STK32B: variants seen among roughly 807,000 people sequenced by gnomAD.
STK32B encodes the protein serine/threonine kinase 32B.
STK32B carries 43 observed loss-of-function variants against 52.6 expected under a neutral mutation model. The observed-to-expected ratio is 0.82, with a 90% CI of 0.64 to 1.05. STK32B has a LOEUF of 1.05. STK32B is among the 50% of genes least tolerant of loss of function. The probability of loss-of-function intolerance (pLI) is 0.00; values close to 1 mark genes in which losing one functional copy is unlikely to be tolerated. For synonymous variants in STK32B, 238 were observed against 204.3 expected (o/e 1.17, Z -1.41); for missense variants, 621 against 534.6 (o/e 1.16, Z -1.59).
At chr4:5,209,763 G>A (rs1211665358) in intron 3 of STK32B, among the ~76,000 whole-genome samples, 2 of 152,092 alleles carry the variant, frequency 1.3e-5, no homozygotes, top group Non-Finnish European at 2.9e-5. Flanking sequence ...AAGTGCCTGG[G>A]CCTAGGAAGC....
intron 4 of STK32B, among the ~76,000 whole-genome samples, chr4:5,370,036 G>A (rs141119508): frequency 0.013 from 1,986 of 151,976 alleles, 10 homozygotes; most frequent in Non-Finnish European, 0.018. Context: ...CATCACGCCC[G>A]GCTAATTTTT....
At chr4:5,463,890 T>C (rs746195611) in intron 9 of STK32B, among the ~76,000 whole-genome samples, 1 of 152,224 alleles carries the variant, frequency 6.6e-6, no homozygotes, top group Non-Finnish European at 1.5e-5. Flanking sequence ...GCAGAAGCCT[T>C]CTGTATTAGG....
chr4:5,135,268 C>T lies in STK32B; in HGVS notation c.53-4637C>T, dbSNP rs1386578612. On this transcript the variant is annotated intron_variant, in intron 1 of 11. Coordinates refer to ENST00000282908, the MANE Select transcript of STK32B (RefSeq NM_018401.3). ...TATGAGGTAGGTGTTGTATTTTACC[C>T]ATTATATAGGTGTGGAGGCTGATGC... Among the ~76,000 whole-genome samples, 3 of 152,164 alleles carry T rather than the reference C, an allele frequency of 2.0e-5. No individual in the cohort carries two copies. In the East Asian group the frequency reaches 5.8e-4, roughly 29 times the overall value.
chr4:5,376,867 G>A (rs1485257224), intron 4 of STK32B, among the ~76,000 whole-genome samples: 2 of 152,012 alleles, frequency 1.3e-5, no homozygotes, highest in Non-Finnish European at 2.9e-5. Flanking sequence ...TCTGCCCTCG[G>A]CCTGCCCCAG....
chr4:5,159,177 C>G (rs1022364989), intron 2 of STK32B, among the ~76,000 whole-genome samples: 1 of 152,178 alleles, frequency 6.6e-6, no homozygotes, highest in African/African-American at 2.4e-5. Flanking sequence ...CACCGTAGAG[C>G]TGTGCTTACC....
intron 6 of STK32B, among the ~76,000 whole-genome samples, chr4:5,418,670 A>G (rs1712364091): frequency 6.6e-6 from 1 of 152,224 alleles, no homozygotes; most frequent in African/African-American, 2.4e-5. Context: ...GGAGTCCACC[A>G]TCTTGGCTGA....
chr4:5,206,030 A>T (rs747681706), intron 3 of STK32B, among the ~76,000 whole-genome samples: 1 of 152,210 alleles, frequency 6.6e-6, no homozygotes, highest in Non-Finnish European at 1.5e-5. Flanking sequence ...AAGACTTTCC[A>T]GCTGGAAGTT....
At chr4:5,344,942 G>C (rs1471431329) in intron 4 of STK32B, among the ~76,000 whole-genome samples, 1 of 151,964 alleles carries the variant, frequency 6.6e-6, no homozygotes, top group Non-Finnish European at 1.5e-5. Context: ...GTGGGAGGCT[G>C]AGATGGGAGG....
intron 4 of STK32B, among the ~76,000 whole-genome samples, chr4:5,365,497 CTG>C (rs1339261588): frequency 6.6e-6 from 1 of 152,208 alleles, no homozygotes; most frequent in Non-Finnish European, 1.5e-5. Flanking sequence ...TTGTAGAAGT[CTG>C]TCAATGTTCT....
At chr4:5,191,687 C>A (rs1248476527) in intron 3 of STK32B, among the ~76,000 whole-genome samples, 1 of 152,176 alleles carries the variant, frequency 6.6e-6, no homozygotes, top group Non-Finnish European at 1.5e-5. Context: ...AAGTTGACCA[C>A]CCGCAGCCTG....
At chr4:5,174,389 C>T (rs1225018158) in intron 3 of STK32B, among the ~76,000 whole-genome samples, 2 of 152,146 alleles carry the variant, frequency 1.3e-5, no homozygotes, top group African/African-American at 4.8e-5. Flanking sequence ...GCAGTTTCTT[C>T]CTAGCCTCGA....
chr4:5,199,521 T>A (rs115632293), intron 3 of STK32B, among the ~76,000 whole-genome samples: 178 of 151,886 alleles, frequency 1.2e-3, no homozygotes, highest in Admixed American at 2.7e-3. Context: ...TCTGAATCAC[T>A]GCATGTTCCA....
chr4:5,189,309 T>A (rs1720998661), intron 3 of STK32B, among the ~76,000 whole-genome samples: 1 of 152,194 alleles, frequency 6.6e-6, no homozygotes, highest in Non-Finnish European at 1.5e-5. Flanking sequence ...GATCCACTGA[T>A]TCATCCCTCG....
Position 5,380,466 on chromosome 4 carries a change from G to A in STK32B, c.435-17741G>A, listed in dbSNP as rs1385230487. Among the ~76,000 whole-genome samples, 1 of 152,124 alleles carries A rather than the reference G, an allele frequency of 6.6e-6. No homozygotes were observed. The highest frequency in any genetic ancestry group is 2.4e-5 in the African/African-American group (1 of 41,438). On this transcript the variant is annotated intron_variant, in intron 4 of 11. Transcript: ENST00000282908. This position sits in a 1 kb window ranked among gnomAD's most constrained non-coding sequence, Gnocchi z 4.3. ...GTCTAATTTTGTGAACAGATATTTT[G>A]TTCACAGGACAAGAATCCTGTCCAA...
intron 4 of STK32B, among the ~76,000 whole-genome samples, chr4:5,357,018 T>TACACACACACACACACACACACAC (rs754199241): frequency 6.6e-6 from 1 of 150,376 alleles, no homozygotes; most frequent in East Asian, 1.9e-4. Flanking sequence ...TATATATATA[T>TACACACACACACACACACACACAC]ATATACACAC....
intron 4 of STK32B, among the ~76,000 whole-genome samples, chr4:5,367,401 G>A (rs1382298003): frequency 6.6e-6 from 1 of 152,166 alleles, no homozygotes; most frequent in Non-Finnish European, 1.5e-5. Context: ...GGTAGAGAAG[G>A]GTTTTGAGCT....
chr4:5,310,834 G>A (rs72616104), intron 3 of STK32B, among the ~76,000 whole-genome samples: 19,488 of 152,152 alleles, frequency 0.13, 2,704 homozygotes, highest in African/African-American at 0.36. Flanking sequence ...TGTGGTATAT[G>A]TACATGATAG....
chr4:5,274,770 C>G lies in STK32B; in HGVS notation c.261-56450C>G, dbSNP rs560861193. Among the ~76,000 whole-genome samples, 6 of 152,228 alleles carry G rather than the reference C, an allele frequency of 3.9e-5. No homozygotes were observed. The East Asian group carries it at 1.2e-3, about 29-fold the overall frequency. On this transcript the variant is annotated intron_variant, in intron 3 of 11. Transcript: ENST00000282908. ...CAACTGCACTCTTCTGTGTTTGTTA[C>G]GGCTCGAGCTGAGCTTTCCATCGCC...
At chr4:5,297,626 G>C (rs1729287591) in intron 3 of STK32B, among the ~76,000 whole-genome samples, 1 of 141,492 alleles carries the variant, frequency 7.1e-6, no homozygotes, top group Non-Finnish European at 1.5e-5. Context: ...GCTCTGTCTG[G>C]TCATTTATGT....
Sources: allele counts gnomAD v4.1 joint callset (sites outside exome capture counted in the v4.1 genomes callset), GRCh38; gene constraint gnomAD v4.1.1; non-coding constraint Gnocchi (gnomAD v3.1); transcripts MANE v1.5; gene names NCBI Gene and HGNC (gene_info 2026-07-23, HGNC 2026-07-21).